The following TRPM3 variants were observed in gnomAD, a reference collection of about 807,000 sequenced individuals.
TRPM3 encodes long transient receptor potential channel 3.
In TRPM3, 77 loss-of-function variants were observed where a neutral mutation model predicts 181.2. The ratio of observed to expected loss-of-function variants is 0.42; its 90% CI spans 0.35 to 0.51. The LOEUF (loss-of-function observed/expected upper bound fraction) is 0.51, where lower values mean the gene tolerates loss of function less well. Among genes scored for constraint, TRPM3 ranks in the 20% least tolerant of loss-of-function variants. TRPM3 has a pLI of 0.01. For missense variants in TRPM3, 1,759 were observed against 2,196.7 expected, an observed-to-expected ratio of 0.80 and a Z score of 3.98; for synonymous variants, 745 against 796.4, an observed-to-expected ratio of 0.94 and a Z score of 1.09.
At chr9:70,760,264 G>T (rs756616338) in intron 8 of TRPM3, among the ~76,000 whole-genome samples, 2 of 151,590 alleles carry the variant, frequency 1.3e-5, no homozygotes, top group East Asian at 1.9e-4. Context: ...TCCTGGTAAG[G>T]TTTGTCAGTT....
intron 1 of TRPM3, among the ~76,000 whole-genome samples, chr9:71,307,336 G>A (rs1407455980): frequency 6.6e-6 from 1 of 151,442 alleles, no homozygotes; most frequent in African/African-American, 2.4e-5. Flanking sequence ...TCCTATAATT[G>A]CATTTGAATT....
At chr9:70,944,823 T>C (rs571569847) in intron 1 of TRPM3, among the ~76,000 whole-genome samples, 1 of 152,246 alleles carries the variant, frequency 6.6e-6, no homozygotes, top group South Asian at 2.1e-4. Context: ...GAGATGTTTA[T>C]GCTCACTTAT....
chr9:70,822,038 T>G (rs572742729), intron 6 of TRPM3, among the ~76,000 whole-genome samples: 111 of 152,180 alleles, frequency 7.3e-4, no homozygotes, highest in Non-Finnish European at 1.3e-3. Context: ...TTCAACACCT[T>G]CTCCTCTTAC....
intron 6 of TRPM3, among the ~76,000 whole-genome samples, chr9:70,814,932 C>T (rs1446425988): frequency 8.0e-5 from 11 of 138,330 alleles, no homozygotes; most frequent in East Asian, 4.7e-4. Context: ...TTTCTTTTTT[C>T]GTTATAAAAG....
At chr9:71,127,167 A>T (rs1271390608) in intron 1 of TRPM3, among the ~76,000 whole-genome samples, 1 of 152,058 alleles carries the variant, frequency 6.6e-6, no homozygotes, top group Non-Finnish European at 1.5e-5. Flanking sequence ...CTCTTGAATT[A>T]CTTCTCATAA....
chr9:71,416,905 T>A (rs2093644380), intron 1 of TRPM3, among the ~76,000 whole-genome samples: 5 of 152,008 alleles, frequency 3.3e-5, no homozygotes, highest in Admixed American at 2.0e-4. Flanking sequence ...TTCTGGCATT[T>A]CATATAAATA....
At chr9:71,240,971 C>T (rs773279918) in intron 1 of TRPM3, among the ~76,000 whole-genome samples, 1 of 152,158 alleles carries the variant, frequency 6.6e-6, no homozygotes, top group Non-Finnish European at 1.5e-5. Context: ...TAGTCAATCA[C>T]TACAACTCTT....
intron 7 of TRPM3, among the ~76,000 whole-genome samples, chr9:70,763,463 C>T (rs1312068719): frequency 6.6e-6 from 1 of 152,080 alleles, no homozygotes. Flanking sequence ...GATCACACCA[C>T]TGCACTCCAG....
intron 7 of TRPM3, among the ~76,000 whole-genome samples, chr9:70,782,262 A>G (rs1265994297): frequency 6.6e-6 from 1 of 151,634 alleles, no homozygotes; most frequent in Non-Finnish European, 1.5e-5. Context: ...CTGGAGTACA[A>G]TGGCACAATC....
At position 71,198,920 on chromosome 9, in the gene TRPM3, G is replaced by A. The variant is rs1345714333; in HGVS notation, c.183+247733C>T. ...ACTTCCAACACTACGTTGAATAGGA[G>A]TGGTGAGAGAGGGCATCCCTGTCTT... On this transcript the variant is annotated intron_variant, in intron 1 of 24. Transcript: ENST00000357533. Among the ~76,000 whole-genome samples, 37 of 117,500 alleles carry A rather than the reference G, an allele frequency of 3.1e-4. 13 individuals carry two copies. The highest frequency in any genetic ancestry group is 1.6e-3 in the Admixed American group (17 of 10,834). The allele number at this position is 117,500 out of a possible 152,430, so 77.1% of individuals were successfully genotyped here. A position where few individuals can be genotyped will look rare whatever the true frequency, so the allele number is the denominator to read the frequency against.
chr9:71,222,606 T>C (rs974325225), intron 1 of TRPM3, among the ~76,000 whole-genome samples: 1 of 152,162 alleles, frequency 6.6e-6, no homozygotes, highest in Non-Finnish European at 1.5e-5. Flanking sequence ...AATGATCAAG[T>C]GAGCAATCAC....
At chr9:70,592,871 A>G (rs1025162506) in intron 21 of TRPM3, among the ~76,000 whole-genome samples, 3 of 152,062 alleles carry the variant, frequency 2.0e-5, no homozygotes, top group African/African-American at 7.2e-5. Flanking sequence ...CTGGGATTTC[A>G]GGTGTGCACC....
At chr9:71,210,328 A>G (rs1034575102) in intron 1 of TRPM3, among the ~76,000 whole-genome samples, 3 of 152,262 alleles carry the variant, frequency 2.0e-5, no homozygotes, top group Middle Eastern at 6.8e-3. Context: ...CTGATTCTAC[A>G]TTCTGGTGAG....
intron 1 of TRPM3, among the ~76,000 whole-genome samples, chr9:71,183,044 T>C (rs2077489532): frequency 6.6e-6 from 1 of 152,144 alleles, no homozygotes; most frequent in Non-Finnish European, 1.5e-5. Context: ...AAGAAAAAGA[T>C]ATTAAGTAAT....
chr9:70,919,887 G>A, intron 1 of TRPM3, among the ~76,000 whole-genome samples: 1 of 151,954 alleles, frequency 6.6e-6, no homozygotes, highest in East Asian at 1.9e-4. Context: ...GCTCTTGCCT[G>A]ATATTTATTT....
chr9:70,966,302 A>T (rs2097184917), intron 1 of TRPM3, among the ~76,000 whole-genome samples: 1 of 152,166 alleles, frequency 6.6e-6, no homozygotes. Context: ...GTGGGAGTGT[A>T]AATTCATTCA....
intron 1 of TRPM3, among the ~76,000 whole-genome samples, chr9:71,394,775 T>A (rs149168215): frequency 3.3e-5 from 5 of 152,290 alleles, no homozygotes; most frequent in African/African-American, 1.2e-4. Flanking sequence ...TCAACCTGTT[T>A]CTTAAAAGCA....
intron 1 of TRPM3, among the ~76,000 whole-genome samples, chr9:71,352,279 CATT>C (rs113275060): frequency 0.013 from 1,924 of 152,202 alleles, 22 homozygotes; most frequent in Middle Eastern, 0.061. Flanking sequence ...TCAGAAGAAA[CATT>C]AATAAAAAAT....
chr9:70,619,313 C>T (rs1386162105), intron 16 of TRPM3, among the ~76,000 whole-genome samples: 1 of 151,040 alleles, frequency 6.6e-6, no homozygotes, highest in African/African-American at 2.4e-5. Flanking sequence ...TCAAACAATA[C>T]ATGATCTCTG....
Sources: allele counts gnomAD v4.1 joint callset (sites outside exome capture counted in the v4.1 genomes callset), GRCh38; gene constraint gnomAD v4.1.1; transcripts MANE v1.5; gene names NCBI Gene and HGNC (gene_info 2026-07-23, HGNC 2026-07-21).